The following CDC6 variants were observed in gnomAD, a reference collection of about 807,000 sequenced individuals.
The protein encoded by CDC6 is cell division cycle 6.
In CDC6, 46 loss-of-function variants were observed where a neutral mutation model predicts 60.2. The observed-to-expected ratio is 0.76, with a 90% CI of 0.60 to 0.98. The LOEUF (loss-of-function observed/expected upper bound fraction) is 0.98. Among genes scored for constraint, CDC6 ranks in the 50% least tolerant of loss-of-function variants. CDC6 has a pLI of 0.00. For missense variants in CDC6, 596 were observed against 652.9 expected (o/e 0.91, Z 0.95); for synonymous variants, 210 against 233.2 (o/e 0.90, Z 0.90).
chr17:40,289,684 C>A, intron 2 of CDC6, 86 bp downstream of exon 2: 128 of 672,264 alleles, frequency 1.9e-4, no homozygotes, highest in Middle Eastern at 3.9e-4. Context: ...AAGGAGCTTT[C>A]TAAGTTCAGT....
At chr17:40,291,375 T>C in intron 3 of CDC6, 36 bp downstream of exon 3, 1 of 1,612,032 alleles carries the variant, frequency 6.2e-7, no homozygotes, top group Non-Finnish European at 8.5e-7. Context: ...GTGCAGCCAT[T>C]GTAACCAAGG....
chr17:40,301,546 G>A lies in CDC6; in HGVS notation c.1531G>A (p.Gly511Arg). The A allele has an allele frequency of 6.2e-7, 1 of 1,614,038 alleles. No homozygotes were observed. The highest frequency in any genetic ancestry group is 8.5e-7 in the Non-Finnish European group (1 of 1,179,896). Reference protein sequence around the residue: ...VDQSECLSLSGLLEARGILGL... With the variant: ...VDQSECLSLSRLLEARGILGL... ...CCAGTCAGAGTGTTTGTCACTTTCA[G>A]GGCTCTTGGAAGCCAGGGGCATTTT... Residue 511 changes from glycine (G) to arginine (R), a missense_variant, in exon 11 of 12, where the codon GGG (glycine) becomes AGG (arginine). Coordinates refer to ENST00000209728, the MANE Select transcript of CDC6 (RefSeq NM_001254.4).
At position 40,296,756 on chromosome 17, in the gene CDC6, C is replaced by A; in HGVS notation, c.1238C>A (p.Pro413Gln). The change falls in exon 9 of 12, where the codon CCA becomes CAA. Residue 413 changes from proline to glutamine, a missense_variant. Pro to Gln is a moderately conservative substitution (Grantham distance 76, BLOSUM62 -1). Transcript: ENST00000209728. The stretch of plus-strand genomic sequence containing the variant: ...GTCAAAAGCCAGACTATTCTCAAAC[C>A]ACTGTCTGAATGTAAGTAGTTTATC... Reference protein sequence around the residue: ...SDVKSQTILKPLSECKSPSEP... With the variant: ...SDVKSQTILKQLSECKSPSEP... 6.3e-7 allele frequency: 1 copy of A among 1,596,058 alleles called. No individual in the cohort carries two copies. Among genetic ancestry groups the A allele is most frequent in the Non-Finnish European group, 8.6e-7 (1 of 1,163,584 alleles).
chr17:40,293,503 G>T lies in CDC6; in HGVS notation c.708G>T (p.Leu236Phe), dbSNP rs780775931. ...CTATCATGCTGAATTGCATGTCCTT[G>T]AGGACTGCCCAGGCTGTATTCCCAG... is the stretch of plus-strand genomic sequence containing the variant. ...FKTIMLNCMS[L>F]RTAQAVFPAI... is the part of the protein sequence containing the mutation. The change falls in exon 5 of 12, where the codon TTG becomes TTT. Residue 236 changes from leucine (L) to phenylalanine (F), a missense_variant. Coordinates refer to ENST00000209728, the MANE Select transcript of CDC6 (RefSeq NM_001254.4). 1.2e-6 allele frequency: 2 copies of T among 1,614,006 alleles called. No homozygotes were observed. The highest frequency in any genetic ancestry group is 2.2e-5 in the South Asian group (2 of 91,080).
At position 40,300,946 on chromosome 17, in the gene CDC6, CT is replaced by C; in HGVS notation, c.1370del (p.Phe457SerfsTer12). The C allele has an allele frequency of 6.2e-7, 1 of 1,613,986 alleles. No individual in the cohort carries two copies. The highest frequency in any genetic ancestry group is 8.5e-7 in the Non-Finnish European group (1 of 1,179,838). On this transcript the variant is annotated frameshift_variant, in exon 10 of 12. Coordinates refer to ENST00000209728, the MANE Select transcript of CDC6 (RefSeq NM_001254.4). LOFTEE classifies it high-confidence loss of function. ...TGAGCCAAGAAGGAGCACAAGATTC[CT>C]TCCCTCTTCAGCAGAAGATCTTGGT... is the stretch of plus-strand genomic sequence containing the variant. ...TLSQEGAQDS[F>X]PLQQKILVCS...
In CDC6 at chr17:40,301,587, C is replaced by T. The variant is rs756673424; in HGVS notation, c.1572C>T (p.Asn524=). Residue 524 remains asparagine, a synonymous_variant, in exon 11 of 12, where the codon AAC becomes AAT. Coordinates refer to ENST00000209728, the MANE Select transcript of CDC6 (RefSeq NM_001254.4). The part of the protein sequence containing the change: ...EARGILGLKR[N]KETRLTKVFF... Reference sequence around the variant, plus strand: ...GGGGCATTTTAGGATTAAAGAGAAACAAGGAAACCCGTTTGACAAAGGTAC... The same window carrying T: ...GGGGCATTTTAGGATTAAAGAGAAATAAGGAAACCCGTTTGACAAAGGTAC... The T allele has an allele frequency of 9.3e-6, 15 of 1,613,986 alleles. No homozygotes were observed. The highest frequency in any genetic ancestry group is 1.7e-5 in the Admixed American group (1 of 59,986).
chr17:40,292,470 A>C (rs949557557), intron 4 of CDC6, among the ~76,000 whole-genome samples: 1 of 151,840 alleles, frequency 6.6e-6, no homozygotes, highest in Non-Finnish European at 1.5e-5. Context: ...GTCTCTACTA[A>C]TAATACAAAA....
At chr17:40,295,522 C>T (rs981559013) in intron 8 of CDC6, 66 bp downstream of exon 8, 3 of 1,090,864 alleles carry the variant, frequency 2.8e-6, no homozygotes, top group Admixed American at 1.7e-5. Context: ...TTAATTGTCT[C>T]ATGTAACTCA....
chr17:40,291,553 T>C lies in CDC6; in HGVS notation c.545T>C (p.Ile182Thr), dbSNP rs141698750. ...GCCAGGGAAAGGGAGATGGATGTCA[T>C]CAGGAATTTCTTGAGGGAACACATC... ...LPAREREMDVIRNFLREHICG... is the reference protein window; with the variant it reads ...LPAREREMDVTRNFLREHICG... The change falls in exon 4 of 12, where the codon ATC becomes ACC. Residue 182 changes from isoleucine to threonine, a missense_variant. Physicochemically the swap from Ile to Thr is moderately conservative, Grantham distance 89. Coordinates refer to ENST00000209728, the MANE Select transcript of CDC6 (RefSeq NM_001254.4). The C allele has an allele frequency of 6.2e-7, 1 of 1,614,090 alleles. No individual in the cohort carries two copies. Among genetic ancestry groups the C allele is most frequent in the African/African-American group, 1.3e-5 (1 of 74,932 alleles).
Position 40,301,587 on chromosome 17 carries a change from CAAGG to C in CDC6, c.1575_1578del (p.Glu526ProfsTer3), listed in dbSNP as rs2143113976. ...GGGGCATTTTAGGATTAAAGAGAAA[CAAGG>C]AAACCCGTTTGACAAAGGTACAACT... is the stretch of plus-strand genomic sequence containing the variant. On this transcript the variant is annotated frameshift_variant, in exon 11 of 12. Transcript: ENST00000209728. LOFTEE classifies it high-confidence loss of function. The C allele has an allele frequency of 3.7e-6, 6 of 1,614,104 alleles. No individual in the cohort carries two copies. Among genetic ancestry groups the C allele is most frequent in the Non-Finnish European group, 5.1e-6 (6 of 1,179,982 alleles).
intron 8 of CDC6, among the ~76,000 whole-genome samples, chr17:40,296,457 C>G (rs1029756560): frequency 6.6e-6 from 1 of 152,100 alleles, no homozygotes; most frequent in African/African-American, 2.4e-5. Flanking sequence ...TGAATTATTT[C>G]AAAGCAATTA....
chr17:40,296,014 G>C (rs1409232737), intron 8 of CDC6, among the ~76,000 whole-genome samples: 1 of 152,124 alleles, frequency 6.6e-6, no homozygotes, highest in East Asian at 1.9e-4. Flanking sequence ...GTGCTGGCCT[G>C]CTGGTCCAAC....
Position 40,300,933 on chromosome 17 carries a change from G to A in CDC6, c.1355G>A (p.Gly452Glu), listed in dbSNP as rs1414518014. The A allele has an allele frequency of 6.2e-7, 1 of 1,613,832 alleles. No homozygotes were observed. The highest frequency in any genetic ancestry group is 8.5e-7 in the Non-Finnish European group (1 of 1,179,748). Residue 452 changes from glycine (G) to glutamate (E), a missense_variant, in exon 10 of 12, where the codon GGA becomes GAA. Transcript: ENST00000209728. ...DGNRMTLSQE[G>E]AQDSFPLQQK... ...AACAGGATGACCTTGAGCCAAGAAG[G>A]AGCACAAGATTCCTTCCCTCTTCAG...
At chr17:40,288,742 G>A (rs2032702821) in intron 1 of CDC6, among the ~76,000 whole-genome samples, 1 of 152,110 alleles carries the variant, frequency 6.6e-6, no homozygotes, top group South Asian at 2.1e-4. Context: ...CCACCACCAC[G>A]CCCGGCTAAT....
In CDC6 at chr17:40,294,468, CAGAT is replaced by C; in HGVS notation, c.1051_1054del (p.Ile351SerfsTer50). On this transcript the variant is annotated frameshift_variant, in exon 7 of 12. Transcript: ENST00000209728. LOFTEE classifies it high-confidence loss of function. ...GAACTTCCCACCTTATACCAGAAATCAGATAGTCACTATTTTGCAAGATCGACTT... is the reference window on the plus strand; with the variant it reads ...GAACTTCCCACCTTATACCAGAAATCAGTCACTATTTTGCAAGATCGACTT... 1 of 1,613,998 alleles carries C rather than the reference CAGAT, an allele frequency of 6.2e-7. No individual in the cohort carries two copies. The highest frequency in any genetic ancestry group is 8.5e-7 in the Non-Finnish European group (1 of 1,179,912).
intron 8 of CDC6, 23 bp downstream of exon 8, chr17:40,295,479 T>A: frequency 7.0e-7 from 1 of 1,431,482 alleles, no homozygotes; most frequent in Non-Finnish European, 9.9e-7. Flanking sequence ...TCTGTTGCAT[T>A]CTTTTATTAA....
At chr17:40,290,613 A>T (rs2032740886) in intron 2 of CDC6, among the ~76,000 whole-genome samples, 2 of 152,216 alleles carry the variant, frequency 1.3e-5, no homozygotes. Flanking sequence ...GGACGCCTGC[A>T]ATCGAGGACA....
chr17:40,299,136 G>GTTTTTTTTTTTTTTTTT (rs2032900365), intron 9 of CDC6, among the ~76,000 whole-genome samples: 1 of 101,652 alleles, frequency 9.8e-6, no homozygotes, highest in African/African-American at 3.8e-5. Context: ...TAAGGCCATA[G>GTTTTTTTTTTTTTTTTT]TCTTTTTTTT....
intron 2 of CDC6, among the ~76,000 whole-genome samples, chr17:40,290,617 G>A (rs1000130983): frequency 1.3e-5 from 2 of 152,122 alleles, no homozygotes; most frequent in Admixed American, 6.6e-5. Flanking sequence ...GCCTGCAATC[G>A]AGGACAGTAC....
Sources: allele counts gnomAD v4.1 joint callset (sites outside exome capture counted in the v4.1 genomes callset), GRCh38; gene constraint gnomAD v4.1.1; transcripts MANE v1.5; gene names NCBI Gene and HGNC (gene_info 2026-07-23, HGNC 2026-07-21).